CYB561A3: variants seen among roughly 807,000 people sequenced by gnomAD.
CYB561A3 encodes the protein cytochrome b561 family member A3.
In CYB561A3, 16 loss-of-function variants were observed where a neutral mutation model predicts 25.3. The observed-to-expected ratio is 0.63, with a 90% CI of 0.43 to 0.96. The LOEUF (loss-of-function observed/expected upper bound fraction) is 0.96. Among genes scored for constraint, CYB561A3 ranks in the 40% least tolerant of loss-of-function variants. The pLI is 0.00. For missense variants in CYB561A3, 219 were observed against 307.5 expected (o/e 0.71, Z 2.15); for synonymous variants, 131 against 129.9 (o/e 1.01, Z -0.06).
chr11:61,361,960 G>A (rs1292049470), upstream of CYB561A3: 1 of 152,280 alleles, frequency 6.6e-6, no homozygotes, highest in African/African-American at 2.4e-5. Flanking sequence ...GGGAAGTGAA[G>A]TCCGGAGACC....
At chr11:61,355,714 G>A (rs534764081) in intron 3 of CYB561A3, among the ~76,000 whole-genome samples, 55 of 151,098 alleles carry the variant, frequency 3.6e-4, no homozygotes, top group Admixed American at 3.4e-3. Flanking sequence ...GATGGATCCC[G>A]GAAGAGCAAG....
At chr11:61,354,855 CCT>C (rs1857580219) in intron 3 of CYB561A3, 1 of 142,276 alleles carries the variant, frequency 7.0e-6, no homozygotes, top group African/African-American at 2.5e-5. Flanking sequence ...AGCTGTTTGG[CCT>C]CTCCTTTCTT....
In CYB561A3 at chr11:61,349,590, A is replaced by C; in HGVS notation, c.*809T>G. 1 of 703,004 alleles carries C rather than the reference A, an allele frequency of 1.4e-6. No individual in the cohort carries two copies. The highest frequency in any genetic ancestry group is 2.6e-6 in the Non-Finnish European group (1 of 384,994). 43.5% of individuals were successfully genotyped at this position (703,004 alleles called of 1,614,324 possible). On this transcript the variant is annotated 3_prime_UTR_variant, in exon 7 of 7. Coordinates refer to ENST00000294072, the MANE Select transcript of CYB561A3 (RefSeq NM_153611.6). The stretch of plus-strand genomic sequence containing the variant: ...ATTTGTAGGGCTGCCTGCCGGTGAC[A>C]GACACGTAAGTCACAGGGAAAGGCC...
At chr11:61,351,209 G>A in intron 5 of CYB561A3, 62 bp from the exon 6 acceptor site, 10 of 1,523,902 alleles carry the variant, frequency 6.6e-6, no homozygotes, top group Non-Finnish European at 8.8e-6. Flanking sequence ...TGTCTAGTGG[G>A]AGACTCGATG....
At chr11:61,351,263 T>A in intron 5 of CYB561A3, 116 bp from the exon 6 acceptor site, 1 of 1,035,140 alleles carries the variant, frequency 9.7e-7, no homozygotes, top group Non-Finnish European at 1.3e-6. Flanking sequence ...CCATATGTGA[T>A]CTAGAATTTT....
In CYB561A3 at chr11:61,356,822, G is replaced by C. The variant is rs1857670970; in HGVS notation, c.-15-94C>G. 4 of 1,513,272 alleles carry C rather than the reference G, an allele frequency of 2.6e-6. No homozygotes were observed. In the Admixed American group the frequency reaches 9.0e-5, roughly 34 times the overall value. 93.7% of individuals were successfully genotyped at this position (1,513,272 alleles called of 1,614,324 possible). On this transcript the variant is annotated intron_variant, in intron 2 of 6. Coordinates refer to ENST00000294072, the MANE Select transcript of CYB561A3 (RefSeq NM_153611.6). ...ACACTGATTTAGCTCTTGGCCTGTG[G>C]GATGGAATCTTTTTGCTTCAGTTCC...
intron 3 of CYB561A3, among the ~76,000 whole-genome samples, chr11:61,355,159 C>CGCCTG (rs971371151): frequency 6.6e-6 from 1 of 152,048 alleles, no homozygotes; most frequent in African/African-American, 2.4e-5. Flanking sequence ...TGAGCCACCA[C>CGCCTG]GCCTGGCCTG....
At position 61,349,512 on chromosome 11, in the gene CYB561A3, G is replaced by A. The variant is rs996944938; in HGVS notation, c.*887C>T. 6.4e-5 allele frequency: 45 copies of A among 702,260 alleles called. No homozygotes were observed. The highest frequency in any genetic ancestry group is 1.0e-4 in the African/African-American group (6 of 57,378). 43.5% of individuals were successfully genotyped at this position (702,260 alleles called of 1,614,324 possible). On this transcript the variant is annotated 3_prime_UTR_variant, in exon 7 of 7. Transcript: ENST00000294072. ...TCCACAGCCACCTCTGTTACTCATC[G>A]CTACTGGGACATCTGGGGACAGGCT...
chr11:61,353,025 A>C lies in CYB561A3; in HGVS notation c.508T>G (p.Ser170Ala), dbSNP rs1208346335. Reference sequence around the variant, plus strand: ...TTCTCATTAATGCCCGAAATGACGGATGCGATGGACAGAGAGAGGATGGCG... The same window carrying C: ...TTCTCATTAATGCCCGAAATGACGGCTGCGATGGACAGAGAGAGGATGGCG... ...GAAILSLSIA[S>A]VISGINEKLF... The change falls in exon 5 of 7, where the codon TCC (serine) becomes GCC (alanine). Residue 170 changes from serine (S) to alanine (A), a missense_variant. Ser to Ala is a moderately conservative substitution (Grantham distance 99, BLOSUM62 1). Coordinates refer to ENST00000294072, the MANE Select transcript of CYB561A3 (RefSeq NM_153611.6). 8 of 1,614,182 alleles carry C rather than the reference A, an allele frequency of 5.0e-6. 1 individual carries two copies. The South Asian group carries it at 6.6e-5, about 13-fold the overall frequency.
At position 61,356,533 on chromosome 11, in the gene CYB561A3, C is replaced by T; in HGVS notation, c.181G>A (p.Gly61Ser). The T allele has an allele frequency of 6.2e-7, 1 of 1,613,842 alleles. No homozygotes were observed. Among genetic ancestry groups the T allele is most frequent in the Non-Finnish European group, 8.5e-7 (1 of 1,179,848 alleles). Residue 61 changes from glycine to serine, a missense_variant, in exon 3 of 7, where the codon GGT becomes AGT. Coordinates refer to ENST00000294072, the MANE Select transcript of CYB561A3 (RefSeq NM_153611.6). ...CCCTTCCTGACCTCTTACTCACCAC[C>T]TCCATAGAATACCACCATGCCAGCA... ...MVAGMVVFYG[G>S]ASLVYRLPQS...
chr11:61,352,879 C>A, intron 5 of CYB561A3, 106 bp downstream of exon 5: 1 of 1,581,344 alleles, frequency 6.3e-7, no homozygotes, highest in South Asian at 1.2e-5. Context: ...GGACCCAACC[C>A]CAAAATCTCT....
At chr11:61,354,936 T>G (rs1181727908) in intron 3 of CYB561A3, among the ~76,000 whole-genome samples, 2 of 147,968 alleles carry the variant, frequency 1.4e-5, no homozygotes, top group Non-Finnish European at 3.0e-5. Flanking sequence ...CGGCGCAATC[T>G]CAGCTCACTG....
At position 61,356,593 on chromosome 11, in the gene CYB561A3, T is replaced by G; in HGVS notation, c.121A>C (p.Ile41Leu). Residue 41 changes from isoleucine to leucine, a missense_variant, in exon 3 of 7, where the codon ATC becomes CTC. By Grantham distance (5) the Ile-to-Leu change is conservative. Coordinates refer to ENST00000294072, the MANE Select transcript of CYB561A3 (RefSeq NM_153611.6). The part of the protein sequence containing the change: ...WRGGFAWNGS[I>L]YMFNWHPVLM... The stretch of plus-strand genomic sequence containing the variant: ...ACTGGGTGCCAGTTGAACATGTAGA[T>G]GCTGCCATTCCAGGCAAAGCCACCA... 1 of 1,614,152 alleles carries G rather than the reference T, an allele frequency of 6.2e-7. No individual in the cohort carries two copies. Among genetic ancestry groups the G allele is most frequent in the Non-Finnish European group, 8.5e-7 (1 of 1,180,024 alleles).
In CYB561A3 at chr11:61,350,288, T is replaced by C. The variant is rs1260910034; in HGVS notation, c.*111A>G. The C allele has an allele frequency of 4.1e-5, 58 of 1,397,774 alleles. No individual in the cohort carries two copies. Among genetic ancestry groups the C allele is most frequent in the South Asian group, 2.2e-4 (17 of 77,066 alleles). 86.6% of individuals were successfully genotyped at this position (1,397,774 alleles called of 1,614,324 possible). A position where few individuals can be genotyped will look rare whatever the true frequency, so the allele number is the denominator to read the frequency against. ...CCAGGCAAGAAGTCTGGGCCCAGCA[T>C]TGGAAGAAAGTCGCCTGCTGAAACC... is the stretch of plus-strand genomic sequence containing the variant. On this transcript the variant is annotated 3_prime_UTR_variant, in exon 7 of 7. Transcript: ENST00000294072.
At chr11:61,352,766 C>G (rs1199595937) in intron 5 of CYB561A3, 2 of 1,391,822 alleles carry the variant, frequency 1.4e-6, no homozygotes, top group African/African-American at 2.9e-5. Context: ...CTGTTTCTGA[C>G]ACACAGCAGG....
chr11:61,351,895 C>G (rs979361417), intron 5 of CYB561A3: 1 of 152,126 alleles, frequency 6.6e-6, no homozygotes, highest in African/African-American at 2.4e-5. Context: ...ACCTAGGCAA[C>G]AGAGTGAGAT....
At chr11:61,361,463 T>A (rs557168095) in intron 1 of CYB561A3, among the ~76,000 whole-genome samples, 1 of 152,152 alleles carries the variant, frequency 6.6e-6, no homozygotes, top group South Asian at 2.1e-4. Context: ...ACCCGAGGGG[T>A]GATCCCTGAC....
chr11:61,352,998 G>T lies in CYB561A3; in HGVS notation c.535C>A (p.Leu179Ile), dbSNP rs1565067166. Residue 179 changes from leucine to isoleucine, a missense_variant, in exon 5 of 7, where the codon CTT (leucine) becomes ATT (isoleucine). Leu to Ile is a conservative substitution (Grantham distance 5). Transcript: ENST00000294072. Reference sequence around the variant, plus strand: ...CACTGCACTCACAAACTGAAGAAAAGCTTCTCATTAATGCCCGAAATGACG... The same window carrying T: ...CACTGCACTCACAAACTGAAGAAAATCTTCTCATTAATGCCCGAAATGACG... ...ASVISGINEKLFFSLKNTTRP... is the reference protein window; with the variant it reads ...ASVISGINEKIFFSLKNTTRP... 6.2e-7 allele frequency: 1 copy of T among 1,614,148 alleles called. No homozygotes were observed. The highest frequency in any genetic ancestry group is 1.7e-5 in the Admixed American group (1 of 60,020).
intron 6 of CYB561A3, 77 bp from the exon 7 acceptor site, chr11:61,350,499 C>T: frequency 1.3e-6 from 2 of 1,564,332 alleles, no homozygotes; most frequent in South Asian, 1.2e-5. Context: ...TTCAGACAGA[C>T]CCCCAGCCTG....
Sources: allele counts gnomAD v4.1 joint callset (sites outside exome capture counted in the v4.1 genomes callset), GRCh38; gene constraint gnomAD v4.1.1; transcripts MANE v1.5; gene names NCBI Gene and HGNC (gene_info 2026-07-23, HGNC 2026-07-21).